SOD2: variants seen among roughly 807,000 people sequenced by gnomAD.
SOD2 encodes superoxide dismutase [Mn], mitochondrial.
A neutral mutation model predicts 27.0 loss-of-function variants in SOD2; 11 were observed. That is an observed-to-expected ratio of 0.41 (90% CI 0.26 to 0.67). The LOEUF (loss-of-function observed/expected upper bound fraction) is 0.67. Among genes scored for constraint, SOD2 ranks in the 30% least tolerant of loss-of-function variants. SOD2 has a pLI of 0.34. For synonymous variants in SOD2, 105 were observed against 103.0 expected (o/e 1.02, Z -0.12); for missense variants, 250 against 274.5 (o/e 0.91, Z 0.63).
intron 1 of SOD2, among the ~76,000 whole-genome samples, chr6:159,702,627 C>G (rs1286274483): frequency 6.2e-5 from 7 of 112,440 alleles, no homozygotes; most frequent in Non-Finnish European, 8.3e-5. Context: ...CCTCAGCCAG[C>G]AGCAATACAG....
chr6:159,748,241 G>T (rs1182852986), upstream of SOD2: 1 of 1,614,020 alleles, frequency 6.2e-7, no homozygotes, highest in African/African-American at 1.3e-5. This position sits in a 1 kb window ranked among gnomAD's most constrained non-coding sequence, Gnocchi z 5.6. Flanking sequence ...TTGCCCAACT[G>T]AGATCAACAA....
At position 159,703,870 on chromosome 6, in the gene SOD2, G is replaced by A. The variant is rs569901342; in HGVS notation, c.-115-11007C>T. ...TATGATCAATACTGAACTTTGTTAT[G>A]TCCTAGATGAATGTTTCAGTGTTCA... On this transcript the variant is annotated intron_variant, in intron 1 of 2. Transcript: ENST00000401980. Among the ~76,000 whole-genome samples the A allele has an allele frequency of 3.9e-5, 6 of 152,350 alleles. No individual in the cohort carries two copies. The South Asian group carries it at 1.0e-3, about 26-fold the overall frequency.
chr6:159,708,035 A>G (rs192500541), intron 1 of SOD2, among the ~76,000 whole-genome samples: 1,571 of 152,342 alleles, frequency 0.01, 27 homozygotes, highest in African/African-American at 0.036. Flanking sequence ...TTATCTCAAC[A>G]GATGCAGAAA....
upstream of SOD2, among the ~76,000 whole-genome samples, chr6:159,693,565 C>T (rs1215876141): frequency 1.3e-5 from 2 of 152,220 alleles, no homozygotes; most frequent in African/African-American, 4.8e-5. Flanking sequence ...CCCGAAGGCC[C>T]TGCCTCCGGC....
rs759472508 is a variant in SOD2, at chr6:159,743,735, G to A, written c.-116+1395C>T. The A allele has an allele frequency of 1.9e-6, 3 of 1,613,392 alleles. No individual in the cohort carries two copies. In the Admixed American group the frequency reaches 5.0e-5, roughly 27 times the overall value. ...AACAACAGCAGGAGTCTGCACGCAG[G>A]GAAAACATCCTTGTAATGCGACTAG... On this transcript the variant is annotated intron_variant, in intron 1 of 3. Coordinates refer to the SOD2 transcript ENST00000537657.
At chr6:159,714,045 G>A in intron 1 of SOD2, 8 of 635,346 alleles carry the variant, frequency 1.3e-5, no homozygotes, top group Non-Finnish European at 2.3e-5. Context: ...GGTGTAGTGG[G>A]CAATTATCCT....
intron 2 of SOD2, chr6:159,692,444 C>A: frequency 7.1e-7 from 1 of 1,405,598 alleles, no homozygotes; most frequent in Admixed American, 3.3e-5. Context: ...CCCAAGTTCC[C>A]TGAGATGACA....
upstream of SOD2, among the ~76,000 whole-genome samples, chr6:159,727,991 C>T (rs1778316053): frequency 6.6e-6 from 1 of 152,236 alleles, no homozygotes; most frequent in Non-Finnish European, 1.5e-5. Context: ...ATGCCCTCCC[C>T]GGGCTGAGCG....
chr6:159,754,200 C>A (rs535168170), intron 1 of SOD2, among the ~76,000 whole-genome samples: 45 of 152,294 alleles, frequency 3.0e-4, no homozygotes, highest in Middle Eastern at 3.4e-3. Context: ...AAATTAGTGT[C>A]TCTGGTTAAT....
In SOD2 at chr6:159,682,595, G is replaced by A; in HGVS notation, c.567C>T (p.Tyr189=). 6.2e-7 allele frequency: 1 copy of A among 1,613,882 alleles called. No individual in the cohort carries two copies. The highest frequency in any genetic ancestry group is 8.5e-7 in the Non-Finnish European group (1 of 1,179,934). The change falls in exon 5 of 5, where the codon TAC becomes TAT. Residue 189 remains tyrosine, a synonymous_variant. Coordinates refer to ENST00000538183, the MANE Select transcript of SOD2 (RefSeq NM_000636.4). ...GCCTGACATTTTTATACTGAAGGTA[G>A]TAAGCGTGCTCCCACACATCAATCC... is the stretch of plus-strand genomic sequence containing the variant. ...LLGIDVWEHA[Y]YLQYKNVRPD... is the part of the protein sequence containing the mutation.
rs62437303 is a variant in SOD2 at position 159,671,564 on chromosome 6, A to G, written c.*10929T>C. 0.054 allele frequency: 8,258 copies of G among 152,378 alleles called. 259 individuals are homozygous for G. Among genetic ancestry groups the G allele is most frequent in the Middle Eastern group, 0.11 (32 of 296 alleles). The allele number at this position is 152,378 out of a possible 1,614,324, so 9.4% of individuals were successfully genotyped here. A position where few individuals can be genotyped will look rare whatever the true frequency, so the allele number is the denominator to read the frequency against. On this transcript the variant is annotated 3_prime_UTR_variant, in exon 5 of 5. Coordinates refer to ENST00000538183, the MANE Select transcript of SOD2 (RefSeq NM_000636.4). ...TTAGAAGGAAAACTAACAAACAGAA[A>G]GGACATCCACACCAAAACCCCATCT...
upstream of SOD2, among the ~76,000 whole-genome samples, chr6:159,731,931 A>G (rs1473912630): frequency 6.6e-6 from 1 of 152,088 alleles, no homozygotes; most frequent in Non-Finnish European, 1.5e-5. Flanking sequence ...CTTACTGTTA[A>G]TTTTATTTTA....
intron 3 of SOD2, among the ~76,000 whole-genome samples, chr6:159,687,166 G>T (rs574673954): frequency 6.6e-6 from 1 of 152,218 alleles, no homozygotes; most frequent in South Asian, 2.1e-4. Flanking sequence ...ATCTAATCCA[G>T]GCCCTAGAAA....
rs9767696 is a variant in SOD2, at chr6:159,709,517, T to A, written c.-115-16654A>T. 5.2e-3 allele frequency among the ~76,000 whole-genome samples: 784 copies of A among 152,024 alleles called. 5 individuals carry two copies. Among genetic ancestry groups the A allele is most frequent in the African/African-American group, 0.018 (742 of 41,452 alleles). ...TGCATCCAACAGACACATGAAAAAATGCTCACCATCACTGGCCATCAGAGA... is the reference window on the plus strand; with the variant it reads ...TGCATCCAACAGACACATGAAAAAAAGCTCACCATCACTGGCCATCAGAGA... On this transcript the variant is annotated intron_variant, in intron 1 of 2. Coordinates refer to the SOD2 transcript ENST00000401980.
At chr6:159,695,038 G>C (rs372725163), upstream of SOD2, among the ~76,000 whole-genome samples, 1 of 152,172 alleles carries the variant, frequency 6.6e-6, no homozygotes, top group African/African-American at 2.4e-5. Flanking sequence ...CTGACTTGGG[G>C]GGATGAAGGG....
upstream of SOD2, chr6:159,693,320 G>A: frequency 2.7e-6 from 1 of 375,638 alleles, no homozygotes; most frequent in Non-Finnish European, 4.2e-6. Context: ...CAAGGGCACC[G>A]CCGCCCCGCC....
upstream of SOD2, among the ~76,000 whole-genome samples, chr6:159,697,320 T>G (rs913822390): frequency 1.4e-5 from 2 of 143,342 alleles, no homozygotes; most frequent in Non-Finnish European, 3.0e-5. Flanking sequence ...GTCACAAATC[T>G]TATCCAGGCA....
chr6:159,748,352 G>T, upstream of SOD2: 1 of 1,613,610 alleles, frequency 6.2e-7, no homozygotes, highest in Non-Finnish European at 8.5e-7. This position sits in a 1 kb window ranked among gnomAD's most constrained non-coding sequence, Gnocchi z 5.6. Context: ...TGAGTGCCTG[G>T]AAGTTTACGC....
At chr6:159,686,468 G>A (rs2114774575) in intron 3 of SOD2, among the ~76,000 whole-genome samples, 1 of 152,166 alleles carries the variant, frequency 6.6e-6, no homozygotes, top group South Asian at 2.1e-4. Flanking sequence ...CCAACATGGA[G>A]AAACTCCTCT....
Sources: allele counts gnomAD v4.1 joint callset (sites outside exome capture counted in the v4.1 genomes callset), GRCh38; gene constraint gnomAD v4.1.1; non-coding constraint Gnocchi (gnomAD v3.1); transcripts MANE v1.5; gene names NCBI Gene and HGNC (gene_info 2026-07-23, HGNC 2026-07-21).